Variants in GREM2 observed in about 807,000 individuals in gnomAD.
GREM2 encodes gremlin 2, DAN family BMP antagonist.
GREM2 carries 11 observed loss-of-function variants against 14.2 expected under a neutral mutation model. The observed-to-expected ratio is 0.78, with a 90% CI of 0.49 to 1.28. The LOEUF is 1.28. Ranked by LOEUF, GREM2 falls within the 50% of genes most tolerant of loss-of-function variation. The pLI, the probability that GREM2 is intolerant of heterozygous loss-of-function variation, is 0.00. For synonymous variants in GREM2, 98 were observed against 97.6 expected (o/e 1.00, Z -0.02); for missense variants, 210 against 218.5 (o/e 0.96, Z 0.24).
chr1:240,584,697 G>A (rs971262478), intron 1 of GREM2, among the ~76,000 whole-genome samples: 1 of 151,854 alleles, frequency 6.6e-6, no homozygotes, highest in African/African-American at 2.4e-5. Context: ...GTGACAGAGT[G>A]ATACCCTGTC....
chr1:240,524,820 T>C (rs2103307521), intron 1 of GREM2, among the ~76,000 whole-genome samples: 1 of 152,224 alleles, frequency 6.6e-6, no homozygotes, highest in Non-Finnish European at 1.5e-5. Context: ...AATAGACATA[T>C]CAGCAGGGCC....
intron 1 of GREM2, among the ~76,000 whole-genome samples, chr1:240,587,713 T>C (rs1221920749): frequency 6.6e-6 from 1 of 152,198 alleles, no homozygotes; most frequent in Non-Finnish European, 1.5e-5. Context: ...ATATAATTTA[T>C]GCATTGATTA....
At chr1:240,548,232 G>A (rs1041755381) in intron 1 of GREM2, among the ~76,000 whole-genome samples, 1 of 151,982 alleles carries the variant, frequency 6.6e-6, no homozygotes, top group Non-Finnish European at 1.5e-5. Context: ...CCAAGATTGT[G>A]CCACTGCACT....
Position 240,506,423 on chromosome 1 carries a change from T to G in GREM2, c.-1-12947A>C, listed in dbSNP as rs144497949. 3.8e-3 allele frequency among the ~76,000 whole-genome samples: 578 copies of G among 152,314 alleles called. 2 individuals carry two copies. Among genetic ancestry groups the G allele is most frequent in the Non-Finnish European group, 6.3e-3 (429 of 68,030 alleles). On this transcript the variant is annotated intron_variant, in intron 1 of 1. Coordinates refer to ENST00000318160, the MANE Select transcript of GREM2 (RefSeq NM_022469.4). Reference sequence around the variant, plus strand: ...GTCTGGTTTCGTCGGTGTTAAGTCTTACGCACCCTGCCTTTTTCAAGTTAG... The same window carrying G: ...GTCTGGTTTCGTCGGTGTTAAGTCTGACGCACCCTGCCTTTTTCAAGTTAG...
intron 1 of GREM2, among the ~76,000 whole-genome samples, chr1:240,606,302 AT>A (rs1680023120): frequency 6.6e-6 from 1 of 152,244 alleles, no homozygotes; most frequent in Admixed American, 6.5e-5. Flanking sequence ...TACAAAAATA[AT>A]TATACAAGGA....
At chr1:240,523,869 T>G (rs1286879197) in intron 1 of GREM2, among the ~76,000 whole-genome samples, 1 of 152,258 alleles carries the variant, frequency 6.6e-6, no homozygotes, top group Non-Finnish European at 1.5e-5. Context: ...GTTTGTATGC[T>G]CAGCAACCAC....
chr1:240,609,407 A>G (rs773737780), intron 1 of GREM2, among the ~76,000 whole-genome samples: 5 of 152,068 alleles, frequency 3.3e-5, no homozygotes, highest in Non-Finnish European at 5.9e-5. Flanking sequence ...ATCAAAATTA[A>G]TTCTAGACAT....
At chr1:240,601,839 G>A (rs1179304917) in intron 1 of GREM2, among the ~76,000 whole-genome samples, 16 of 151,464 alleles carry the variant, frequency 1.1e-4, no homozygotes, top group African/African-American at 2.2e-4. Flanking sequence ...CCCGGGAGGC[G>A]GAGGTTGCAG....
chr1:240,585,088 C>T (rs993816877), intron 1 of GREM2, among the ~76,000 whole-genome samples: 1 of 152,138 alleles, frequency 6.6e-6, no homozygotes, highest in Non-Finnish European at 1.5e-5. Flanking sequence ...AATTCAGGCT[C>T]CTTATCAACT....
rs935076134 is a variant in GREM2 at position 240,591,501 on chromosome 1, T to C, written c.-2+20383A>G. Reference sequence around the variant, plus strand: ...TACAGAAGAGCTTACGTCTTTGGTATTCCTTCCTCACTCATGTTAGTCGAC... The same window carrying C: ...TACAGAAGAGCTTACGTCTTTGGTACTCCTTCCTCACTCATGTTAGTCGAC... On this transcript the variant is annotated intron_variant, in intron 1 of 1. Transcript: ENST00000318160. 5.3e-5 allele frequency among the ~76,000 whole-genome samples: 8 copies of C among 152,310 alleles called. No homozygotes were observed. In the South Asian group the frequency reaches 1.7e-3, roughly 32 times the overall value.
Position 240,572,218 on chromosome 1 carries a change from T to C in GREM2, c.-2+39666A>G, listed in dbSNP as rs1679275381. ...TATATTAAAAAGATGTGTTCGTGTC[T>C]GAATATTCGGACAAATCCTTTACAT... On this transcript the variant is annotated intron_variant, in intron 1 of 1. Coordinates refer to ENST00000318160, the MANE Select transcript of GREM2 (RefSeq NM_022469.4). Among the ~76,000 whole-genome samples, 3 of 152,234 alleles carry C rather than the reference T, an allele frequency of 2.0e-5. No homozygotes were observed. In the South Asian group the frequency reaches 6.2e-4, roughly 32 times the overall value.
chr1:240,493,403 G>C lies in GREM2; in HGVS notation c.73C>G (p.Arg25Gly), dbSNP rs1377063510. 2.5e-6 allele frequency: 4 copies of C among 1,613,390 alleles called. No homozygotes were observed. Among genetic ancestry groups the C allele is most frequent in the Non-Finnish European group, 1.7e-6 (2 of 1,179,842 alleles). ...GGCGAGGGGATGGCGCCCGCCGGCCGGTTCTTCCGGGCTTCCGCCACCTTC... is the reference window on the plus strand; with the variant it reads ...GGCGAGGGGATGGCGCCCGCCGGCCCGTTCTTCCGGGCTTCCGCCACCTTC... ...LVKVAEARKN[R>G]PAGAIPSPYK... Residue 25 changes from arginine to glycine, a missense_variant, in exon 2 of 2, where the codon CGG (arginine) becomes GGG (glycine). Coordinates refer to ENST00000318160, the MANE Select transcript of GREM2 (RefSeq NM_022469.4).
Position 240,553,226 on chromosome 1 carries a change from G to A in GREM2, c.-2+58658C>T, listed in dbSNP as rs1049568318. Among the ~76,000 whole-genome samples, 28 of 152,312 alleles carry A rather than the reference G, an allele frequency of 1.8e-4. 1 individual carries two copies. The highest frequency in any genetic ancestry group is 6.7e-4 in the African/African-American group (28 of 41,564). On this transcript the variant is annotated intron_variant, in intron 1 of 1. Coordinates refer to ENST00000318160, the MANE Select transcript of GREM2 (RefSeq NM_022469.4). ...TTTATCGAGAGCGTTAGCATGAGCA[G>A]AAGAAAGGTATTTCCAGCCTTATCA...
At chr1:240,576,144 A>AG (rs1679369113) in intron 1 of GREM2, among the ~76,000 whole-genome samples, 1 of 152,222 alleles carries the variant, frequency 6.6e-6, no homozygotes, top group Admixed American at 6.5e-5. Context: ...CAGGCAATAA[A>AG]GAAAACCTGT....
intron 1 of GREM2, among the ~76,000 whole-genome samples, chr1:240,515,218 G>T (rs1435473014): frequency 1.3e-5 from 2 of 152,162 alleles, no homozygotes; most frequent in African/African-American, 4.8e-5. Context: ...CATTAAGCTT[G>T]CTCTTCAATA....
intron 1 of GREM2, among the ~76,000 whole-genome samples, chr1:240,595,925 T>C (rs1404714600): frequency 6.6e-6 from 1 of 152,182 alleles, no homozygotes; most frequent in Non-Finnish European, 1.5e-5. Context: ...GACTTGATGA[T>C]CTGGTTTCTG....
At chr1:240,589,472 A>C (rs1229063149) in intron 1 of GREM2, among the ~76,000 whole-genome samples, 1 of 152,002 alleles carries the variant, frequency 6.6e-6, no homozygotes, top group Non-Finnish European at 1.5e-5. Context: ...AAAGAAAAGA[A>C]AAGGAAAGAC....
chr1:240,528,859 C>A (rs1053235430), intron 1 of GREM2, among the ~76,000 whole-genome samples: 2 of 152,138 alleles, frequency 1.3e-5, no homozygotes, highest in African/African-American at 4.8e-5. Context: ...TTTGCCAAAG[C>A]CACATCAAGG....
In GREM2 at chr1:240,492,993, G is replaced by T; in HGVS notation, c.483C>A (p.Asn161Lys). The change falls in exon 2 of 2, where the codon AAC becomes AAA. Residue 161 changes from asparagine (N) to lysine (K), a missense_variant. Transcript: ENST00000318160. ...KVKQCRCMSV[N>K]LSDSDKQ ...CTCACTGCTTGTCCGAGTCGCTCAG[G>T]TTCACGGACATGCACCGGCACTGCT... is the stretch of plus-strand genomic sequence containing the variant. 7.1e-6 allele frequency: 11 copies of T among 1,559,848 alleles called. No individual in the cohort carries two copies. Among genetic ancestry groups the T allele is most frequent in the Non-Finnish European group, 9.6e-6 (11 of 1,147,340 alleles).
Sources: allele counts gnomAD v4.1 joint callset (sites outside exome capture counted in the v4.1 genomes callset), GRCh38; gene constraint gnomAD v4.1.1; transcripts MANE v1.5; gene names NCBI Gene and HGNC (gene_info 2026-07-23, HGNC 2026-07-21).